Variants in PPFIA2 observed in about 807,000 individuals in gnomAD.
PPFIA2 encodes liprin-alpha-2.
Under a neutral mutation model 175.5 loss-of-function variants are expected in PPFIA2, and 46 were observed. That is an observed-to-expected ratio of 0.26 (90% confidence interval 0.21 to 0.34). The LOEUF (loss-of-function observed/expected upper bound fraction) is 0.34, where lower values mean the gene tolerates loss of function less well. Ranked by LOEUF, PPFIA2 falls within the 10% of genes least tolerant of loss-of-function variation. PPFIA2 has a pLI of 1.00. For synonymous variants in PPFIA2, 568 were observed against 511.4 expected, an observed-to-expected ratio of 1.11 and a Z score of -1.49; for missense variants, 1,179 against 1,506.1, an observed-to-expected ratio of 0.78 and a Z score of 3.60.
At chr12:81,322,681 T>G (rs917842957) in intron 22 of PPFIA2, among the ~76,000 whole-genome samples, 1 of 152,132 alleles carries the variant, frequency 6.6e-6, no homozygotes, top group Non-Finnish European at 1.5e-5. Flanking sequence ...TGAGGCATAG[T>G]AAAGGCAAAC....
intron 14 of PPFIA2, among the ~76,000 whole-genome samples, chr12:81,364,967 C>T (rs10862299): frequency 0.23 from 34,436 of 151,436 alleles, 5,202 homozygotes; most frequent in East Asian, 0.46. Flanking sequence ...TGAGAATAGA[C>T]TGGCATGTTA....
intron 4 of PPFIA2, among the ~76,000 whole-genome samples, chr12:81,494,950 G>A (rs1188249559): frequency 4.3e-5 from 5 of 115,082 alleles, no homozygotes; most frequent in Non-Finnish European, 8.7e-5. Context: ...GTTGTGGGGT[G>A]GGGGGAGGGG....
chr12:81,303,913 C>G (rs1219469862), intron 22 of PPFIA2, among the ~76,000 whole-genome samples: 1 of 152,326 alleles, frequency 6.6e-6, no homozygotes, highest in African/African-American at 2.4e-5. Context: ...GGTTGAATGA[C>G]TAAATCCAGA....
chr12:81,359,235 A>G (rs1302345543), intron 15 of PPFIA2, among the ~76,000 whole-genome samples: 1 of 152,002 alleles, frequency 6.6e-6, no homozygotes, highest in Admixed American at 6.6e-5. Context: ...AAGCACTTCC[A>G]AATATCTGGT....
At chr12:81,402,880 A>G (rs761416642) in intron 8 of PPFIA2, among the ~76,000 whole-genome samples, 1 of 152,166 alleles carries the variant, frequency 6.6e-6, no homozygotes, top group Non-Finnish European at 1.5e-5. Context: ...TGTGGCATAA[A>G]TAAAACTTCT....
intron 3 of PPFIA2, among the ~76,000 whole-genome samples, chr12:81,706,279 T>A (rs2153608053): frequency 6.6e-6 from 1 of 152,310 alleles, no homozygotes; most frequent in South Asian, 2.1e-4. Context: ...TATTGTCTTA[T>A]CCATGTGGGA....
At chr12:81,461,104 C>A (rs1430776133) in intron 4 of PPFIA2, among the ~76,000 whole-genome samples, 1 of 152,054 alleles carries the variant, frequency 6.6e-6, no homozygotes, top group Non-Finnish European at 1.5e-5. Context: ...ATTCAAACCA[C>A]CCAAAACATA....
rs118087569 is a variant in PPFIA2, at chr12:81,375,483, C to T, written c.1131+313G>A. On this transcript the variant is annotated intron_variant, in intron 10 of 32. Transcript: ENST00000549396. ...AACTGTAGTGTCTTTACTACAATAA[C>T]GCCACCTACTTCATAGGTGGTGGTT... Among the ~76,000 whole-genome samples, 80 of 152,184 alleles carry T rather than the reference C, an allele frequency of 5.3e-4. 1 individual carries two copies. The South Asian group carries it at 0.011, about 21-fold the overall frequency.
rs186984193 is a variant in PPFIA2 at position 81,577,328 on chromosome 12, G to A, written c.303+99463C>T. Among the ~76,000 whole-genome samples, 6 of 151,734 alleles carry A rather than the reference G, an allele frequency of 4.0e-5. 1 individual carries two copies. The highest frequency in any genetic ancestry group is 1.4e-4 in the African/African-American group (6 of 41,452). The stretch of plus-strand genomic sequence containing the variant: ...TCCTCCACATTTTCTCTTTGGATTG[G>A]TTCCCTCCTGTATGAAAGGTTCCTA... On this transcript the variant is annotated intron_variant, in intron 4 of 32. Transcript: ENST00000549396.
chr12:81,278,107 T>C (rs565302141), intron 27 of PPFIA2, among the ~76,000 whole-genome samples: 3 of 152,200 alleles, frequency 2.0e-5, no homozygotes, highest in East Asian at 1.9e-4. Context: ...TGAAAACCCA[T>C]GCTAGGAAGT....
chr12:81,302,680 T>C (rs2048154187), intron 22 of PPFIA2: 1 of 453,608 alleles, frequency 2.2e-6, no homozygotes, highest in Non-Finnish European at 4.4e-6. Flanking sequence ...TGATGGTAAC[T>C]CCAGATGTGC....
chr12:81,722,139 A>G (rs1214646682), intron 3 of PPFIA2, among the ~76,000 whole-genome samples: 1 of 151,068 alleles, frequency 6.6e-6, no homozygotes, highest in Non-Finnish European at 1.5e-5. Context: ...AACTTCATAC[A>G]GATGATGCAA....
intron 15 of PPFIA2, among the ~76,000 whole-genome samples, chr12:81,360,417 T>G (rs2061433621): frequency 6.6e-6 from 1 of 151,866 alleles, no homozygotes; most frequent in Non-Finnish European, 1.5e-5. Flanking sequence ...GTAAGAATTT[T>G]TTTAGAGAAA....
intron 4 of PPFIA2, among the ~76,000 whole-genome samples, chr12:81,483,123 T>C (rs917721582): frequency 3.3e-5 from 5 of 152,162 alleles, no homozygotes; most frequent in African/African-American, 9.7e-5. Context: ...AACTGCAAAA[T>C]GGCACAGTCA....
chr12:81,352,182 T>A (rs138104737), intron 17 of PPFIA2, among the ~76,000 whole-genome samples: 8 of 152,056 alleles, frequency 5.3e-5, no homozygotes, highest in African/African-American at 1.9e-4. Flanking sequence ...TAATTGAGGT[T>A]ACATGAGGTC....
chr12:81,711,995 T>A (rs922576208), intron 3 of PPFIA2, among the ~76,000 whole-genome samples: 1 of 151,270 alleles, frequency 6.6e-6, no homozygotes, highest in African/African-American at 2.4e-5. Context: ...TTCAACATTG[T>A]GCAAAAGAAG....
chr12:81,681,898 G>A (rs993416444), intron 3 of PPFIA2, among the ~76,000 whole-genome samples: 4 of 151,978 alleles, frequency 2.6e-5, no homozygotes, highest in African/African-American at 7.2e-5. Context: ...CTCTCGCATC[G>A]CATATCCCAC....
chr12:81,460,165 G>C (rs1053240250), intron 4 of PPFIA2, among the ~76,000 whole-genome samples: 3 of 152,032 alleles, frequency 2.0e-5, no homozygotes, highest in African/African-American at 7.2e-5. Flanking sequence ...CAATCCCCAC[G>C]TGTCAAGGGC....
intron 4 of PPFIA2, among the ~76,000 whole-genome samples, chr12:81,488,939 T>C (rs2059137641): frequency 6.6e-6 from 1 of 151,848 alleles, no homozygotes; most frequent in African/African-American, 2.4e-5. Context: ...ATGTATACAA[T>C]TAGGCACAGC....
Sources: gnomAD v4.1 joint callset for allele counts (sites outside exome capture counted in the v4.1 genomes callset) on GRCh38, gnomAD v4.1.1 for gene constraint, MANE v1.5 for transcripts, NCBI Gene and HGNC (gene_info 2026-07-23, HGNC 2026-07-21) for gene names.